Variants in DHDDS observed in about 807,000 individuals in gnomAD.
The protein encoded by DHDDS is dehydrodolichyl diphosphate synthase complex subunit DHDDS.
A neutral mutation model predicts 46.2 loss-of-function variants in DHDDS; 16 were observed. That is an observed-to-expected ratio of 0.35 (90% CI 0.23 to 0.53). The LOEUF is 0.53. Ranked by LOEUF, DHDDS falls within the 20% of genes least tolerant of loss-of-function variation. The pLI, the probability that DHDDS is intolerant of heterozygous loss-of-function variation, is 0.94. For synonymous variants in DHDDS, 151 were observed against 163.1 expected (o/e 0.93, Z 0.56); for missense variants, 340 against 423.7 (o/e 0.80, Z 1.73).
chr1:26,470,708 G>C lies in DHDDS; in HGVS notation c.*1577G>C, dbSNP rs1008557736. 1 of 152,638 alleles carries C rather than the reference G, an allele frequency of 6.6e-6. No individual in the cohort carries two copies. Among genetic ancestry groups the C allele is most frequent in the Non-Finnish European group, 1.5e-5 (1 of 68,080 alleles). The allele number at this position is 152,638 out of a possible 1,614,324, so 9.5% of individuals were successfully genotyped here. A position where few individuals can be genotyped will look rare whatever the true frequency, so the allele number is the denominator to read the frequency against. On this transcript the variant is annotated 3_prime_UTR_variant, in exon 9 of 9. Transcript: ENST00000236342. ...TTTGGCAAAGCCCCCATCCACACCT[G>C]GCACTCCCCTCTACCAATCCCTGGC...
chr1:26,452,941 T>TAA (rs1283068422), intron 6 of DHDDS, among the ~76,000 whole-genome samples: 3 of 151,872 alleles, frequency 2.0e-5, no homozygotes, highest in Non-Finnish European at 2.9e-5. Flanking sequence ...TCTACAAAAA[T>TAA]AAAACAGTTA....
chr1:26,434,274 G>A (rs1245748942), intron 2 of DHDDS, among the ~76,000 whole-genome samples: 1 of 152,126 alleles, frequency 6.6e-6, no homozygotes, highest in Non-Finnish European at 1.5e-5. Context: ...TTTGAGATTG[G>A]GGCCAGTCAG....
rs532199883 is a variant in DHDDS at position 26,461,819 on chromosome 1, GAGGAAATTA to G, written c.765+1677_765+1685del. 1.6e-3 allele frequency among the ~76,000 whole-genome samples: 237 copies of G among 152,312 alleles called. 2 individuals carry two copies. Among genetic ancestry groups the G allele is most frequent in the African/African-American group, 5.1e-3 (213 of 41,576 alleles). ...ATTTAATTACTTAGTCTCAGAATAT[GAGGAAATTA>G]AAAGAAGTTTAGAATTAGTGAAAAG... On this transcript the variant is annotated intron_variant, in intron 8 of 8. Transcript: ENST00000236342.
chr1:26,444,507 G>A (rs1463845851), intron 4 of DHDDS, among the ~76,000 whole-genome samples: 3 of 152,186 alleles, frequency 2.0e-5, no homozygotes, highest in African/African-American at 4.8e-5. Context: ...GGGAAGCCAA[G>A]GAGGGTACAT....
intron 4 of DHDDS, among the ~76,000 whole-genome samples, chr1:26,444,881 C>T (rs557813454): frequency 6.6e-6 from 1 of 152,358 alleles, no homozygotes; most frequent in South Asian, 2.1e-4. Flanking sequence ...TCAAGGTCTT[C>T]TAGTATACTG....
At chr1:26,436,454 C>T (rs907474196) in intron 2 of DHDDS, among the ~76,000 whole-genome samples, 8 of 151,938 alleles carry the variant, frequency 5.3e-5, no homozygotes, top group East Asian at 2.0e-4. Flanking sequence ...GACAGAGTCC[C>T]GCTCTGTCAT....
intron 2 of DHDDS, among the ~76,000 whole-genome samples, chr1:26,437,155 G>C (rs1252542515): frequency 6.6e-6 from 1 of 151,998 alleles, no homozygotes; most frequent in Admixed American, 6.5e-5. Context: ...GGGCGACAGA[G>C]CGAGACTCCT....
Position 26,438,183 on chromosome 1 carries a change from A to C in DHDDS, c.79A>C (p.Lys27Gln). 6.2e-7 allele frequency: 1 copy of C among 1,613,960 alleles called. No individual in the cohort carries two copies. The highest frequency in any genetic ancestry group is 8.5e-7 in the Non-Finnish European group (1 of 1,179,866). Residue 27 changes from lysine (K) to glutamine (Q), a missense_variant, in exon 3 of 9, where the codon AAA becomes CAA. By Grantham distance (53) the Lys-to-Gln change is moderately conservative. Around this residue, in one of 2 missense-constraint regions of DHDDS, gnomAD observed 72 missense variants for 123.5 expected, o/e 0.58. Transcript: ENST00000236342. ...ANIIKAGPMP[K>Q]HIAFIMDGNR... Reference sequence around the variant, plus strand: ...TATTCCACAGGCAGGCCCAATGCCGAAACACATTGCATTCATAATGGACGG... The same window carrying C: ...TATTCCACAGGCAGGCCCAATGCCGCAACACATTGCATTCATAATGGACGG...
At chr1:26,437,731 C>T (rs1364908414) in intron 2 of DHDDS, among the ~76,000 whole-genome samples, 1 of 151,786 alleles carries the variant, frequency 6.6e-6, no homozygotes, top group Non-Finnish European at 1.5e-5. Flanking sequence ...CCACCTCAGC[C>T]TCCCAAAGTG....
rs1469383331 is a variant in DHDDS, at chr1:26,442,808, C to T, written c.258C>T (p.Ser86=). Residue 86 remains serine (S), a synonymous_variant, in exon 4 of 9, where the codon TCC becomes TCT. Transcript: ENST00000236342. ...YAFSIENFKR[S]KSEVDGLMDL... is the part of the protein sequence containing the mutation. ...TCAGCATTGAGAACTTCAAACGCTC[C>T]AAGAGTGAGGTAGACGGGCTTATGG... The T allele has an allele frequency of 6.2e-7, 1 of 1,614,084 alleles. No homozygotes were observed.
At chr1:26,437,986 AAAGT>A (rs1281418704) in intron 2 of DHDDS, among the ~76,000 whole-genome samples, 178 bp from the exon 3 acceptor site, 2 of 152,168 alleles carry the variant, frequency 1.3e-5, no homozygotes, top group African/African-American at 4.8e-5. Context: ...GCCTCAAAAT[AAAGT>A]AAGTAACTAA....
At chr1:26,468,791 C>T (rs1312447316) in intron 8 of DHDDS, 104 bp from the exon 9 acceptor site, 3 of 1,453,968 alleles carry the variant, frequency 2.1e-6, no homozygotes, top group Non-Finnish European at 2.8e-6. Context: ...CACTGTTCCA[C>T]TTCACTTGGC....
chr1:26,457,385 G>T (rs2075380041), intron 6 of DHDDS, among the ~76,000 whole-genome samples: 1 of 151,664 alleles, frequency 6.6e-6, no homozygotes, highest in Non-Finnish European at 1.5e-5. Context: ...AGGCAGAATG[G>T]CATGAACCTG....
chr1:26,461,359 C>T (rs2075419721), intron 8 of DHDDS, among the ~76,000 whole-genome samples: 1 of 150,968 alleles, frequency 6.6e-6, no homozygotes, highest in African/African-American at 2.4e-5. Flanking sequence ...GAATTGTAAA[C>T]TTATCATGGA....
chr1:26,457,667 C>A, intron 6 of DHDDS, 124 bp from the exon 7 acceptor site: 1 of 730,814 alleles, frequency 1.4e-6, no homozygotes. Context: ...GTAGTATTGG[C>A]TAGTGTATTT....
intron 7 of DHDDS, 145 bp downstream of exon 7, chr1:26,458,050 C>CCAGATTT: frequency 2.8e-6 from 2 of 717,144 alleles, no homozygotes; most frequent in Non-Finnish European, 5.0e-6. Context: ...AGAAGCATCT[C>CCAGATTT]TAGGCTGTGT....
intron 7 of DHDDS, 23 bp downstream of exon 7, chr1:26,457,928 T>C (rs766454049): frequency 2.5e-6 from 4 of 1,592,234 alleles, no homozygotes; most frequent in East Asian, 2.2e-5. Flanking sequence ...CAAGTACTAT[T>C]ATGTTTGTGT....
chr1:26,470,605 C>T lies in DHDDS; in HGVS notation c.*1474C>T, dbSNP rs2075545075. ...TCCCGGGATACCTGGCGGCAAGAGACTTCTTGGCTATTGTCCATGCTCCCA... is the reference window on the plus strand; with the variant it reads ...TCCCGGGATACCTGGCGGCAAGAGATTTCTTGGCTATTGTCCATGCTCCCA... On this transcript the variant is annotated 3_prime_UTR_variant, in exon 9 of 9. Transcript: ENST00000236342. 2 of 152,642 alleles carry T rather than the reference C, an allele frequency of 1.3e-5. No individual in the cohort carries two copies. Among genetic ancestry groups the T allele is most frequent in the African/African-American group, 4.8e-5 (2 of 41,436 alleles). The allele number at this position is 152,642 out of a possible 1,614,324, so 9.5% of individuals were successfully genotyped here.
chr1:26,445,831 T>A (rs1308713349), intron 4 of DHDDS, among the ~76,000 whole-genome samples: 1 of 151,980 alleles, frequency 6.6e-6, no homozygotes, highest in Non-Finnish European at 1.5e-5. Flanking sequence ...GAGACCAGCC[T>A]GGCCAACATG....
Sources: allele counts gnomAD v4.1 joint callset (sites outside exome capture counted in the v4.1 genomes callset), GRCh38; gene constraint gnomAD v4.1.1; regional missense constraint gnomAD v4.1.1; transcripts MANE v1.5; gene names NCBI Gene and HGNC (gene_info 2026-07-23, HGNC 2026-07-21).